Variants in SPECC1 observed in about 807,000 individuals in gnomAD.
The protein encoded by SPECC1 is cytospin-B.
A neutral mutation model predicts 104.1 loss-of-function variants in SPECC1; 62 were observed. That is an observed-to-expected ratio of 0.60 (90% CI 0.49 to 0.74). SPECC1 has a LOEUF of 0.74. Ranked by LOEUF, SPECC1 falls within the 30% of genes least tolerant of loss-of-function variation. The pLI, the probability that SPECC1 is intolerant of heterozygous loss-of-function variation, is 0.00. For synonymous variants in SPECC1, 513 were observed against 501.6 expected (o/e 1.02, Z -0.30); for missense variants, 1,306 against 1,310.5 (o/e 1.00, Z 0.05).
At chr17:20,179,378 C>T (rs1389659734) in intron 3 of SPECC1, among the ~76,000 whole-genome samples, 7 of 152,236 alleles carry the variant, frequency 4.6e-5, no homozygotes, top group Admixed American at 4.6e-4. Flanking sequence ...CCATCATAGT[C>T]CTTGCTTTGC....
intron 3 of SPECC1, among the ~76,000 whole-genome samples, chr17:20,139,644 T>C (rs1163822311): frequency 1.3e-5 from 2 of 152,216 alleles, no homozygotes; most frequent in Admixed American, 1.3e-4. Context: ...GTAATTGTCA[T>C]CTACAGTTGC....
At position 20,193,286 on chromosome 17, in the gene SPECC1, C is replaced by CG. The variant is rs147982919; in HGVS notation, c.284-11047_284-11046insG. 8.5e-3 allele frequency among the ~76,000 whole-genome samples: 1,299 copies of CG among 152,278 alleles called. 18 individuals carry two copies. Among genetic ancestry groups the CG allele is most frequent in the African/African-American group, 0.03 (1,237 of 41,536 alleles). On this transcript the variant is annotated intron_variant, in intron 3 of 14. Transcript: ENST00000395527. ...TCAGCAAGGTCTTTATGACCTGTAT[C>CG]TTGTGCCAACCTGTTATCTCATCCT...
At chr17:20,015,215 G>C (rs2044071579) in intron 1 of SPECC1, among the ~76,000 whole-genome samples, 1 of 151,876 alleles carries the variant, frequency 6.6e-6, no homozygotes, top group Non-Finnish European at 1.5e-5. Flanking sequence ...TTCTTACTTG[G>C]GAATTAGAAT....
At chr17:20,010,149 T>TC (rs1164449226) in intron 1 of SPECC1, 1 of 151,050 alleles carries the variant, frequency 6.6e-6, no homozygotes, top group Non-Finnish European at 1.5e-5. Flanking sequence ...GCTTGCTTTT[T>TC]TTTTTTTTTT....
At chr17:20,260,677 C>G (rs1021474823) in intron 12 of SPECC1, among the ~76,000 whole-genome samples, 1 of 152,306 alleles carries the variant, frequency 6.6e-6, no homozygotes, top group East Asian at 1.9e-4. Flanking sequence ...GGAGCTTATG[C>G]CCTTATCCCT....
intron 2 of SPECC1, among the ~76,000 whole-genome samples, chr17:20,109,162 TAAAA>T (rs1010357258): frequency 6.6e-6 from 1 of 152,208 alleles, no homozygotes; most frequent in Non-Finnish European, 1.5e-5. Context: ...ATGGAAACTT[TAAAA>T]AATTGTGCAA....
intron 1 of SPECC1, chr17:20,067,447 C>T (rs2046397066): frequency 6.6e-6 from 1 of 152,074 alleles, no homozygotes; most frequent in Non-Finnish European, 1.5e-5. Context: ...CCAACCTAAC[C>T]ATTCTTAATA....
Position 20,112,610 on chromosome 17 carries a change from G to T in SPECC1, c.283+2048G>T. 4 of 868,860 alleles carry T rather than the reference G, an allele frequency of 4.6e-6. No individual in the cohort carries two copies. The South Asian group carries it at 5.3e-5, about 11-fold the overall frequency. 53.8% of individuals were successfully genotyped at this position (868,860 alleles called of 1,614,324 possible). On this transcript the variant is annotated intron_variant, in intron 3 of 14. Coordinates refer to ENST00000395527, the MANE Select transcript of SPECC1 (RefSeq NM_001243439.2). ...TTGCTGTGCAAATCTTAAACAAGCT[G>T]ATCTCTCTGGATCAGTGCTTGACTG...
At chr17:20,086,527 T>C (rs2047184245) in intron 1 of SPECC1, among the ~76,000 whole-genome samples, 1 of 152,208 alleles carries the variant, frequency 6.6e-6, no homozygotes, top group African/African-American at 2.4e-5. Context: ...CTGGCTTCTC[T>C]TGTTGGGTCC....
chr17:20,265,228 C>G (rs1034579816), intron 12 of SPECC1, among the ~76,000 whole-genome samples: 1 of 152,178 alleles, frequency 6.6e-6, no homozygotes, highest in Non-Finnish European at 1.5e-5. Flanking sequence ...TTCCCACCAG[C>G]AGTGTATAAG....
chr17:20,317,870 G>A lies in SPECC1; in HGVS notation c.*3805G>A, dbSNP rs1412899859. On this transcript the variant is annotated 3_prime_UTR_variant, in exon 15 of 15. Coordinates refer to ENST00000395527, the MANE Select transcript of SPECC1 (RefSeq NM_001243439.2). ...CTAGTAGGGCTCCCCCAAGCCATCCGCTGGCGTGTGGAGGTGCAGGACCTG... is the reference window on the plus strand; with the variant it reads ...CTAGTAGGGCTCCCCCAAGCCATCCACTGGCGTGTGGAGGTGCAGGACCTG... 2.2e-5 allele frequency: 5 copies of A among 225,830 alleles called. No homozygotes were observed. Among genetic ancestry groups the A allele is most frequent in the Admixed American group, 5.7e-5 (1 of 17,512 alleles). The allele number at this position is 225,830 out of a possible 1,614,324, so 14.0% of individuals were successfully genotyped here. A position where few individuals can be genotyped will look rare whatever the true frequency, so the allele number is the denominator to read the frequency against.
rs1013256094 is a variant in SPECC1, at chr17:20,205,118, A to T, written c.1069A>T (p.Thr357Ser). ...SNPFKSSKCS[T>S]AGSSPNSVSE... is the part of the protein sequence containing the mutation. ...CCCCTTTAAGAGTTCAAAGTGTTCT[A>T]CTGCTGGGAGTTCCCCAAACAGCGT... is the stretch of plus-strand genomic sequence containing the variant. The change falls in exon 4 of 15, where the codon ACT becomes TCT. Residue 357 changes from threonine to serine, a missense_variant. Transcript: ENST00000395527. 3.1e-6 allele frequency: 5 copies of T among 1,614,018 alleles called. No individual in the cohort carries two copies. In the African/African-American group the frequency reaches 4.0e-5, roughly 13 times the overall value.
At chr17:20,268,009 C>T (rs1176262949) in intron 12 of SPECC1, among the ~76,000 whole-genome samples, 1 of 152,178 alleles carries the variant, frequency 6.6e-6, no homozygotes, top group Non-Finnish European at 1.5e-5. Flanking sequence ...AGCTACCCTT[C>T]ACCTCCATGG....
chr17:20,146,879 C>T (rs1312146670), intron 3 of SPECC1, among the ~76,000 whole-genome samples: 1 of 152,038 alleles, frequency 6.6e-6, no homozygotes, highest in Non-Finnish European at 1.5e-5. Context: ...GCACTCCAGC[C>T]TGGGCAATAA....
chr17:20,306,728 T>G, intron 14 of SPECC1, among the ~76,000 whole-genome samples: 1 of 152,220 alleles, frequency 6.6e-6, no homozygotes, highest in East Asian at 1.9e-4. Flanking sequence ...CAGGGCCAGA[T>G]GAGGTTTAGA....
At chr17:20,137,963 C>A (rs1030609339) in intron 3 of SPECC1, among the ~76,000 whole-genome samples, 9 of 150,212 alleles carry the variant, frequency 6.0e-5, no homozygotes, top group African/African-American at 2.2e-4. Flanking sequence ...CCGTACCCAG[C>A]CCTTTATTTT....
intron 1 of SPECC1, among the ~76,000 whole-genome samples, chr17:20,067,996 T>C (rs2046418457): frequency 6.6e-6 from 1 of 152,164 alleles, no homozygotes; most frequent in Non-Finnish European, 1.5e-5. Context: ...CTCTTTTTTT[T>C]TTGAGACAGG....
chr17:20,080,908 T>G (rs1489745856), intron 1 of SPECC1, among the ~76,000 whole-genome samples: 2 of 151,966 alleles, frequency 1.3e-5, no homozygotes, highest in Non-Finnish European at 2.9e-5. Flanking sequence ...GGCCCTCCTG[T>G]GGTCCTTCTT....
intron 3 of SPECC1, among the ~76,000 whole-genome samples, chr17:20,121,690 A>T (rs1366175463): frequency 2.0e-5 from 3 of 152,096 alleles, no homozygotes; most frequent in African/African-American, 7.2e-5. Flanking sequence ...ATCTCATGTT[A>T]CACAGTGGTG....
Sources: allele counts gnomAD v4.1 joint callset (sites outside exome capture counted in the v4.1 genomes callset), GRCh38; gene constraint gnomAD v4.1.1; transcripts MANE v1.5; gene names NCBI Gene and HGNC (gene_info 2026-07-23, HGNC 2026-07-21).